Variants in DAXX observed in about 807,000 individuals in gnomAD.
The protein encoded by DAXX is death domain-associated protein 6.
Under a neutral mutation model 61.9 loss-of-function variants are expected in DAXX, and 24 were observed. The observed-to-expected ratio is 0.39, with a 90% CI of 0.28 to 0.55. The LOEUF (loss-of-function observed/expected upper bound fraction) is 0.55, where lower values mean the gene tolerates loss of function less well. DAXX is among the 20% of genes least tolerant of loss of function. The pLI, the probability that DAXX is intolerant of heterozygous loss-of-function variation, is 0.69. For synonymous variants in DAXX, 357 were observed against 369.5 expected (o/e 0.97, Z 0.39); for missense variants, 819 against 935.3 (o/e 0.88, Z 1.62).
chr6:33,322,124 T>A, intron 1 of DAXX, 147 bp from the exon 2 acceptor site: 1 of 522,010 alleles, frequency 1.9e-6, no homozygotes, highest in Non-Finnish European at 3.3e-6. Flanking sequence ...CCATTAGTTC[T>A]ATATGCTTTT....
chr6:33,319,238 A>C lies in DAXX; in HGVS notation c.1941-19T>G. ...CACATAGCTAGAAACAGAAACATAA[A>C]TATGTGGAGGGGTACGGGAAGACTG... is the stretch of plus-strand genomic sequence containing the variant. On this transcript the variant is annotated intron_variant, in intron 6 of 7. Transcript: ENST00000374542. 6.3e-7 allele frequency: 1 copy of C among 1,582,898 alleles called. No individual in the cohort carries two copies. The highest frequency in any genetic ancestry group is 8.6e-7 in the Non-Finnish European group (1 of 1,161,354).
At position 33,320,332 on chromosome 6, in the gene DAXX, G is replaced by C. The variant is rs1770417605; in HGVS notation, c.1251+48C>G. ...GTCAACCTGGACTCCCTGGTGGCCA[G>C]TGCAGGGGAAGGACAATGTCTCTCT... On this transcript the variant is annotated intron_variant, in intron 4 of 7. Transcript: ENST00000374542. The surrounding 1 kb of genome is among the most constrained non-coding windows in gnomAD (Gnocchi z 7.1). 2 of 1,476,796 alleles carry C rather than the reference G, an allele frequency of 1.4e-6. No individual in the cohort carries two copies. The highest frequency in any genetic ancestry group is 1.9e-6 in the Non-Finnish European group (2 of 1,054,690). The allele number at this position is 1,476,796 out of a possible 1,614,324, so 91.5% of individuals were successfully genotyped here.
Position 33,318,720 on chromosome 6 carries a change from G to T in DAXX, c.*23C>A, listed in dbSNP as rs2150985530. ...CCAAATGTTATCCCAGAACATTCTG[G>T]AGGCAGGGAGAAGGGGAGGCAGCTA... On this transcript the variant is annotated 3_prime_UTR_variant, in exon 8 of 8. Coordinates refer to ENST00000374542, the MANE Select transcript of DAXX (RefSeq NM_001141969.2). 1 of 1,263,024 alleles carries T rather than the reference G, an allele frequency of 7.9e-7. No homozygotes were observed. The highest frequency in any genetic ancestry group is 1.1e-6 in the Non-Finnish European group (1 of 893,190). The allele number at this position is 1,263,024 out of a possible 1,614,324, so 78.2% of individuals were successfully genotyped here.
chr6:33,320,132 C>CTCCTCT lies in DAXX; in HGVS notation c.1338_1343dup (p.Glu456_Glu457dup). Reference sequence around the variant, plus strand: ...CCTCCTCTTCTTCTTCCTCCTCCTCCTCCTCTTCCTCATCACTCTCCTCAT... The same window carrying CTCCTCT: ...CCTCCTCTTCTTCTTCCTCCTCCTCCTCCTCTTCCTCTTCCTCATCACTCTCCTCAT... On this transcript the variant is annotated inframe_insertion, in exon 5 of 8. Transcript: ENST00000374542. The surrounding 1 kb of genome is among the most constrained non-coding windows in gnomAD (Gnocchi z 7.1). 6.2e-7 allele frequency: 1 copy of CTCCTCT among 1,613,940 alleles called. No individual in the cohort carries two copies. The highest frequency in any genetic ancestry group is 2.2e-5 in the East Asian group (1 of 44,884).
Position 33,320,644 on chromosome 6 carries a change from A to G in DAXX, c.1040-53T>C, listed in dbSNP as rs1205746178. On this transcript the variant is annotated intron_variant, in intron 3 of 7. Coordinates refer to ENST00000374542, the MANE Select transcript of DAXX (RefSeq NM_001141969.2). This position sits in a 1 kb window ranked among gnomAD's most constrained non-coding sequence, Gnocchi z 7.1. Reference sequence around the variant, plus strand: ...ACTCAGCCCTTGAAGGGACTAGAAGAGTAAAAACCCTAGAAAGGACTAGAG... The same window carrying G: ...ACTCAGCCCTTGAAGGGACTAGAAGGGTAAAAACCCTAGAAAGGACTAGAG... The G allele has an allele frequency of 6.2e-7, 1 of 1,604,712 alleles. No individual in the cohort carries two copies. Among genetic ancestry groups the G allele is most frequent in the Non-Finnish European group, 8.5e-7 (1 of 1,174,922 alleles).
chr6:33,318,798 C>A lies in DAXX; in HGVS notation c.2168G>T (p.Ser723Ile). 1 of 1,546,438 alleles carries A rather than the reference C, an allele frequency of 6.5e-7. No homozygotes were observed. The highest frequency in any genetic ancestry group is 8.8e-7 in the Non-Finnish European group (1 of 1,133,304). ...QPPRPGTCKTSVATQCDPEEI... is the reference protein window; with the variant it reads ...QPPRPGTCKTIVATQCDPEEI... ...TTCTGGATCGCATTGTGTGGCCACA[C>A]TTGTCTGCAGGGAAGTGAGAGACAA... The change falls in exon 8 of 8, where the codon AGT becomes ATT. Residue 723 changes from serine (S) to isoleucine (I), a missense_variant. Physicochemically the swap from Ser to Ile is moderately radical, Grantham distance 142. Transcript: ENST00000374542.
At position 33,321,446 on chromosome 6, in the gene DAXX, G is replaced by T. The variant is rs2150997843; in HGVS notation, c.329C>A (p.Ser110Tyr). Residue 110 changes from serine to tyrosine, a missense_variant, in exon 3 of 8, where the codon TCT becomes TAT. Coordinates refer to ENST00000374542, the MANE Select transcript of DAXX (RefSeq NM_001141969.2). The surrounding 1 kb of genome is among the most constrained non-coding windows in gnomAD (Gnocchi z 7.2). ...LASAEFCNILSRVLSRARSRP... is the reference protein window; with the variant it reads ...LASAEFCNILYRVLSRARSRP... Reference sequence around the variant, plus strand: ...GCTCCGGGCCCGAGACAGGACCCTAGAGAGGATGTTGCAGAACTCCGCCGA... The same window carrying T: ...GCTCCGGGCCCGAGACAGGACCCTATAGAGGATGTTGCAGAACTCCGCCGA... 1 of 1,614,044 alleles carries T rather than the reference G, an allele frequency of 6.2e-7. No individual in the cohort carries two copies. Among genetic ancestry groups the T allele is most frequent in the Non-Finnish European group, 8.5e-7 (1 of 1,179,910 alleles).
At position 33,319,034 on chromosome 6, in the gene DAXX, G is replaced by T; in HGVS notation, c.2126C>A (p.Thr709Asn). ...AGGCCGAGGAGGCTGTGAATGGGGGGTTTGGGACAGCCGGGCTGGAGAAGG... is the reference window on the plus strand; with the variant it reads ...AGGCCGAGGAGGCTGTGAATGGGGGTTTTGGGACAGCCGGGCTGGAGAAGG... ...CIPSPARLSQTPHSQPPRPGT... is the reference protein window; with the variant it reads ...CIPSPARLSQNPHSQPPRPGT... The change falls in exon 7 of 8, where the codon ACC (threonine) becomes AAC (asparagine). Residue 709 changes from threonine to asparagine, a missense_variant. Transcript: ENST00000374542. 1 of 1,613,750 alleles carries T rather than the reference G, an allele frequency of 6.2e-7. No individual in the cohort carries two copies. Among genetic ancestry groups the T allele is most frequent in the Non-Finnish European group, 8.5e-7 (1 of 1,180,024 alleles).
At chr6:33,318,961 C>T in intron 7 of DAXX, 36 bp downstream of exon 7, 1 of 1,568,254 alleles carries the variant, frequency 6.4e-7, no homozygotes, top group South Asian at 1.1e-5. Flanking sequence ...TGAAAGAGAA[C>T]AAATTGTCAG....
In DAXX at chr6:33,321,873, G is replaced by A. The variant is rs2151000019; in HGVS notation, c.53C>T (p.Ala18Val). Residue 18 changes from alanine (A) to valine (V), a missense_variant, in exon 2 of 8, where the codon GCA (alanine) becomes GTA (valine). By Grantham distance (64) the Ala-to-Val change is moderately conservative. Transcript: ENST00000374542. The surrounding 1 kb of genome is among the most constrained non-coding windows in gnomAD (Gnocchi z 7.2). ...IVLDDDDEDEAAAQPGPSHPL... is the reference protein window; with the variant it reads ...IVLDDDDEDEVAAQPGPSHPL... Reference sequence around the variant, plus strand: ...GTGGGAGGGCCCTGGCTGAGCAGCTGCTTCATCTTCGTCATCATCATCCAG... The same window carrying A: ...GTGGGAGGGCCCTGGCTGAGCAGCTACTTCATCTTCGTCATCATCATCCAG... 6.2e-7 allele frequency: 1 copy of A among 1,612,128 alleles called. No homozygotes were observed. The highest frequency in any genetic ancestry group is 8.5e-7 in the Non-Finnish European group (1 of 1,178,990).
Position 33,319,198 on chromosome 6 carries a change from T to C in DAXX, c.1962A>G (p.Ser654=). Residue 654 remains serine (S), a synonymous_variant, in exon 7 of 8, where the codon TCA becomes TCG. Coordinates refer to ENST00000374542, the MANE Select transcript of DAXX (RefSeq NM_001141969.2). ...TCTTTTTCCCATTCTTCTCATGCAC[T>C]GACCTTTGCCTTTCCACATAGCTAG... ...LGNSYVERQR[S]VHEKNGKKIC... is the part of the protein sequence containing the mutation. 2 of 1,605,612 alleles carry C rather than the reference T, an allele frequency of 1.2e-6. No homozygotes were observed. The highest frequency in any genetic ancestry group is 1.7e-6 in the Non-Finnish European group (2 of 1,173,830).
rs1770814835 is a variant in DAXX at position 33,322,891 on chromosome 6, G to C, written c.-82C>G. The C allele has an allele frequency of 1.4e-6, 2 of 1,416,110 alleles. No homozygotes were observed. The highest frequency in any genetic ancestry group is 9.5e-7 in the Non-Finnish European group (1 of 1,053,326). The allele number at this position is 1,416,110 out of a possible 1,614,324, so 87.7% of individuals were successfully genotyped here. On this transcript the variant is annotated 5_prime_UTR_variant, in exon 1 of 8. Coordinates refer to ENST00000374542, the MANE Select transcript of DAXX (RefSeq NM_001141969.2). ...GAAACCGTCTCTCGAGGCGACCCTCGCCGCAATTCTCAGAACCTCGCATGG... is the reference window on the plus strand; with the variant it reads ...GAAACCGTCTCTCGAGGCGACCCTCCCCGCAATTCTCAGAACCTCGCATGG...
chr6:33,319,265 G>A (rs1209406898), intron 6 of DAXX, 46 bp from the exon 7 acceptor site: 2 of 1,566,224 alleles, frequency 1.3e-6, no homozygotes, highest in Non-Finnish European at 8.7e-7. Context: ...GGAAGACTGA[G>A]GCTGGAGGGG....
Position 33,322,939 on chromosome 6 carries a change from T to C in DAXX, c.-130A>G. On this transcript the variant is annotated 5_prime_UTR_variant, in exon 1 of 8. Coordinates refer to ENST00000374542, the MANE Select transcript of DAXX (RefSeq NM_001141969.2). ...TGGTTCCCTCCGCCTTCCTTCCCAC[T>C]CCCACCGCAGGCCCCACTACGGACC... 7.4e-7 allele frequency: 1 copy of C among 1,358,442 alleles called. No individual in the cohort carries two copies. Among genetic ancestry groups the C allele is most frequent in the Non-Finnish European group, 1.0e-6 (1 of 995,826 alleles). The allele number at this position is 1,358,442 out of a possible 1,614,324, so 84.1% of individuals were successfully genotyped here.
chr6:33,318,903 C>A, intron 7 of DAXX, 94 bp downstream of exon 7: 1 of 1,302,320 alleles, frequency 7.7e-7, no homozygotes. Context: ...AAGGAAGAGA[C>A]AGGATGTGGC....
At position 33,321,574 on chromosome 6, in the gene DAXX, G is replaced by A. The variant is rs1384931577; in HGVS notation, c.208-7C>T. On this transcript the variant is annotated splice_polypyrimidine_tract_variant and splice_region_variant and intron_variant, in intron 2 of 7. Coordinates refer to ENST00000374542, the MANE Select transcript of DAXX (RefSeq NM_001141969.2). This position sits in a 1 kb window ranked among gnomAD's most constrained non-coding sequence, Gnocchi z 7.2. ...TCTTACAAAGTTCAAGGAACTAGAAGGTTCAGGGGAAGAAGGAAGGGGAAG... is the reference window on the plus strand; with the variant it reads ...TCTTACAAAGTTCAAGGAACTAGAAAGTTCAGGGGAAGAAGGAAGGGGAAG... The A allele has an allele frequency of 1.2e-6, 2 of 1,609,802 alleles. No individual in the cohort carries two copies. Among genetic ancestry groups the A allele is most frequent in the African/African-American group, 2.7e-5 (2 of 74,712 alleles).
rs750302848 is a variant in DAXX at position 33,319,507 on chromosome 6, C to T, written c.1813G>A (p.Ala605Thr). ...EPFTTVLENG[A>T]GMVSSTSFNG... ...AAGGAAGTAGAAGAGACCATGCCTG[C>T]TCCATTCTCTAAGACAGTGGTGAAG... Residue 605 changes from alanine (A) to threonine (T), a missense_variant, in exon 6 of 8, where the codon GCA becomes ACA. Ala to Thr is a moderately conservative substitution (Grantham distance 58). Coordinates refer to ENST00000374542, the MANE Select transcript of DAXX (RefSeq NM_001141969.2). The T allele has an allele frequency of 1.2e-6, 2 of 1,614,140 alleles. No individual in the cohort carries two copies. Among genetic ancestry groups the T allele is most frequent in the Non-Finnish European group, 1.7e-6 (2 of 1,180,010 alleles).
intron 1 of DAXX, among the ~76,000 whole-genome samples, chr6:33,322,437 A>AAAGAGGTTCCCTCCCAACAGTCC (rs1482991416): frequency 6.6e-6 from 1 of 152,128 alleles, no homozygotes; most frequent in Non-Finnish European, 1.5e-5. Context: ...CTCTGAGGTG[A>AAAGAGGTTCCCTCCCAACAGTCC]AAGAGGTTCC....
At position 33,321,234 on chromosome 6, in the gene DAXX, T is replaced by A. The variant is rs969656700; in HGVS notation, c.541A>T (p.Thr181Ser). The change falls in exon 3 of 8, where the codon ACC becomes TCC. Residue 181 changes from threonine to serine, a missense_variant. Transcript: ENST00000374542. The surrounding 1 kb of genome is among the most constrained non-coding windows in gnomAD (Gnocchi z 7.2). ...TGGATCTGCCGCCGGGAACCACGGG[T>A]CCTTGGAGACTGAGAGGCAGTGTTT... is the stretch of plus-strand genomic sequence containing the variant. ...AENTASQSPR[T>S]RGSRRQIQRL... The A allele has an allele frequency of 3.1e-6, 5 of 1,612,744 alleles. No homozygotes were observed. Among genetic ancestry groups the A allele is most frequent in the South Asian group, 2.2e-5 (2 of 91,036 alleles).
Sources: gnomAD v4.1 joint callset for allele counts (sites outside exome capture counted in the v4.1 genomes callset) on GRCh38, gnomAD v4.1.1 for gene constraint, Gnocchi (gnomAD v3.1) non-coding constraint, MANE v1.5 for transcripts, NCBI Gene and HGNC (gene_info 2026-07-23, HGNC 2026-07-21) for gene names.